GFOD1: variants seen among roughly 807,000 people sequenced by gnomAD.
GFOD1 encodes the protein glucose-fructose oxidoreductase domain-containing protein 1.
GFOD1 carries 9 observed loss-of-function variants against 25.4 expected under a neutral mutation model. The ratio of observed to expected loss-of-function variants is 0.35; its 90% CI spans 0.21 to 0.62. GFOD1 has a LOEUF of 0.62. GFOD1 is among the 20% of genes least tolerant of loss of function. GFOD1 has a pLI of 0.72. For missense variants in GFOD1, 403 were observed against 556.9 expected (o/e 0.72, Z 2.78); for synonymous variants, 253 against 245.6 (o/e 1.03, Z -0.28).
At position 13,361,955 on chromosome 6, in the gene GFOD1, C is replaced by T. The variant is rs889538936; in HGVS notation, c.*2788G>A. On this transcript the variant is annotated 3_prime_UTR_variant, in exon 2 of 2. Transcript: ENST00000379287. ...AACCCGAAGTTTTGGGAAAAGATTT[C>T]GCGAGTATTATGGTTTAGTACAGAA... 4 of 152,072 alleles carry T rather than the reference C, an allele frequency of 2.6e-5. No homozygotes were observed. The highest frequency in any genetic ancestry group is 4.4e-5 in the Non-Finnish European group (3 of 68,020). The allele number at this position is 152,072 out of a possible 1,614,324, so 9.4% of individuals were successfully genotyped here.
At chr6:13,431,071 C>T (rs1757740608) in intron 1 of GFOD1, among the ~76,000 whole-genome samples, 1 of 152,212 alleles carries the variant, frequency 6.6e-6, no homozygotes, top group Admixed American at 6.5e-5. Flanking sequence ...GAATCAGGGC[C>T]ATTTAATTTC....
At chr6:13,383,517 T>C (rs1345466431) in intron 1 of GFOD1, among the ~76,000 whole-genome samples, 1 of 152,156 alleles carries the variant, frequency 6.6e-6, no homozygotes, top group Non-Finnish European at 1.5e-5. Context: ...AAACATACAC[T>C]AGGAAAAAAT....
intron 1 of GFOD1, among the ~76,000 whole-genome samples, chr6:13,421,507 G>A (rs1786256318): frequency 6.6e-6 from 1 of 151,828 alleles, no homozygotes; most frequent in African/African-American, 2.4e-5. Context: ...AAAAAAGTAA[G>A]AAAAGCTTAA....
At chr6:13,388,179 C>T (rs1212782158) in intron 1 of GFOD1, among the ~76,000 whole-genome samples, 1 of 152,188 alleles carries the variant, frequency 6.6e-6, no homozygotes, top group African/African-American at 2.4e-5. Context: ...GTGAAAATGG[C>T]CATACTGCCC....
intron 1 of GFOD1, among the ~76,000 whole-genome samples, chr6:13,387,903 G>T (rs1309209521): frequency 6.6e-6 from 1 of 152,188 alleles, no homozygotes; most frequent in Admixed American, 6.5e-5. Flanking sequence ...TAAGCTGATA[G>T]GCAACTTCAG....
chr6:13,439,386 T>C lies in GFOD1; in HGVS notation c.253+47252A>G, dbSNP rs144329275. 1.2e-4 allele frequency among the ~76,000 whole-genome samples: 19 copies of C among 152,316 alleles called. 1 individual carries two copies. In the East Asian group the frequency reaches 3.7e-3, roughly 29 times the overall value. Reference sequence around the variant, plus strand: ...CTGCAACAACACCATAGGCTTAGAGTATCTGACTGTCTCTGTCAAACAAAT... The same window carrying C: ...CTGCAACAACACCATAGGCTTAGAGCATCTGACTGTCTCTGTCAAACAAAT... On this transcript the variant is annotated intron_variant, in intron 1 of 1. Coordinates refer to ENST00000379287, the MANE Select transcript of GFOD1 (RefSeq NM_018988.4).
At position 13,364,990 on chromosome 6, in the gene GFOD1, A is replaced by G. The variant is rs1043435374; in HGVS notation, c.926T>C (p.Met309Thr). 1.2e-6 allele frequency: 2 copies of G among 1,610,434 alleles called. No individual in the cohort carries two copies. Among genetic ancestry groups the G allele is most frequent in the African/African-American group, 2.7e-5 (2 of 74,936 alleles). The change falls in exon 2 of 2, where the codon ATG becomes ACG. Residue 309 changes from methionine (M) to threonine (T), a missense_variant. Transcript: ENST00000379287. This position sits in a 1 kb window ranked among gnomAD's most constrained non-coding sequence, Gnocchi z 4.1. ...GAAGGCCTGGCGCACCGCCTGCATC[A>G]TCTTGATGGTGCCGCGCAGGTAGGG... ...PSPYLRGTIK[M>T]MQAVRQAFQD...
intron 1 of GFOD1, among the ~76,000 whole-genome samples, chr6:13,370,727 A>G (rs2496159): frequency 0.23 from 11,716 of 49,988 alleles, 512 homozygotes; most frequent in East Asian, 0.37. Context: ...GTGTGTGTGT[A>G]TGTATGTATG....
chr6:13,433,667 G>A, intron 1 of GFOD1, among the ~76,000 whole-genome samples: 1 of 152,142 alleles, frequency 6.6e-6, no homozygotes, highest in East Asian at 1.9e-4. Context: ...TGGGGTGGGG[G>A]AAGTTTTCTT....
chr6:13,390,455 G>C (rs1785565997), intron 1 of GFOD1, among the ~76,000 whole-genome samples: 1 of 152,266 alleles, frequency 6.6e-6, no homozygotes, highest in Non-Finnish European at 1.5e-5. Context: ...GCCGGGTGCT[G>C]TGGCATGCAC....
At position 13,470,436 on chromosome 6, in the gene GFOD1, G is replaced by A. The variant is rs959515475; in HGVS notation, c.253+16202C>T. 26 of 1,550,076 alleles carry A rather than the reference G, an allele frequency of 1.7e-5. No homozygotes were observed. In the Admixed American group the frequency reaches 4.9e-4, roughly 29 times the overall value. On this transcript the variant is annotated intron_variant, in intron 1 of 1. Transcript: ENST00000379287. ...GGATGTGAACGGCTGTGCATATTAA[G>A]TTAGACAGGCTGCATCCCTAAGGGC... is the stretch of plus-strand genomic sequence containing the variant.
intron 1 of GFOD1, among the ~76,000 whole-genome samples, chr6:13,404,183 C>T (rs1228904377): frequency 6.6e-6 from 1 of 152,126 alleles, no homozygotes; most frequent in Non-Finnish European, 1.5e-5. Flanking sequence ...AAAGACTGTG[C>T]AAAATATTCT....
At chr6:13,475,274 G>A (rs1254483164) in intron 1 of GFOD1, among the ~76,000 whole-genome samples, 1 of 152,172 alleles carries the variant, frequency 6.6e-6, no homozygotes, top group Non-Finnish European at 1.5e-5. Context: ...TAATGGCTAT[G>A]ATCAAAAAGA....
intron 1 of GFOD1, among the ~76,000 whole-genome samples, chr6:13,391,133 T>C (rs1208362559): frequency 1.3e-5 from 2 of 152,196 alleles, no homozygotes; most frequent in Non-Finnish European, 2.9e-5. Flanking sequence ...TTCAAGGATA[T>C]GATTGGTTAT....
intron 1 of GFOD1, among the ~76,000 whole-genome samples, chr6:13,410,783 T>C (rs1786063981): frequency 6.6e-6 from 1 of 151,346 alleles, no homozygotes; most frequent in Non-Finnish European, 1.5e-5. Context: ...GTCTGACCAA[T>C]TTGGATGGAA....
At chr6:13,404,292 T>C (rs939497301) in intron 1 of GFOD1, among the ~76,000 whole-genome samples, 1 of 152,204 alleles carries the variant, frequency 6.6e-6, no homozygotes, top group Non-Finnish European at 1.5e-5. Context: ...ACTCATCAAG[T>C]AGTCATTTAG....
intron 1 of GFOD1, among the ~76,000 whole-genome samples, chr6:13,397,148 ACAG>A (rs1330159313): frequency 2.6e-5 from 4 of 152,170 alleles, no homozygotes; most frequent in Non-Finnish European, 5.9e-5. Context: ...GTGGGTGCCC[ACAG>A]TGGTCTCGAA....
chr6:13,368,354 C>T (rs1182251508), intron 1 of GFOD1, among the ~76,000 whole-genome samples: 1 of 152,176 alleles, frequency 6.6e-6, no homozygotes, highest in Non-Finnish European at 1.5e-5. Context: ...GCTTAGCAAC[C>T]AGATGAGGAC....
At chr6:13,467,460 A>G (rs1758397225) in intron 1 of GFOD1, among the ~76,000 whole-genome samples, 1 of 152,230 alleles carries the variant, frequency 6.6e-6, no homozygotes. Flanking sequence ...CAGCCCATAA[A>G]GAGATTCAAG....
Sources: allele counts gnomAD v4.1 joint callset (sites outside exome capture counted in the v4.1 genomes callset), GRCh38; gene constraint gnomAD v4.1.1; non-coding constraint Gnocchi (gnomAD v3.1); transcripts MANE v1.5; gene names NCBI Gene and HGNC (gene_info 2026-07-23, HGNC 2026-07-21).